Variants in FHOD3 observed in about 807,000 individuals in gnomAD.
FHOD3 encodes formin homology 2 domain containing 3, also known as FH1/FH2 domain-containing protein 3.
A neutral mutation model predicts 173.0 loss-of-function variants in FHOD3; 90 were observed. That is an observed-to-expected ratio of 0.52 (90% CI 0.44 to 0.62). The LOEUF (loss-of-function observed/expected upper bound fraction) is 0.62. FHOD3 is among the 20% of genes least tolerant of loss of function. The pLI, the probability that FHOD3 is intolerant of heterozygous loss-of-function variation, is 0.00. For missense variants in FHOD3, 1,945 were observed against 2,034.7 expected, an observed-to-expected ratio of 0.96 and a Z score of 0.85; for synonymous variants, 828 against 823.0, an observed-to-expected ratio of 1.01 and a Z score of -0.10.
At chr18:36,314,031 A>G (rs923367107) in intron 1 of FHOD3, among the ~76,000 whole-genome samples, 7 of 152,148 alleles carry the variant, frequency 4.6e-5, no homozygotes, top group African/African-American at 1.7e-4. Flanking sequence ...TACAGGCATG[A>G]GCCACTGCAC....
chr18:36,321,542 T>C (rs1474083243), intron 1 of FHOD3, among the ~76,000 whole-genome samples: 2 of 152,182 alleles, frequency 1.3e-5, no homozygotes, highest in Non-Finnish European at 2.9e-5. Context: ...GTAATATGTA[T>C]TGTGCTTTTG....
chr18:36,762,010 C>T (rs761159672), intron 27 of FHOD3, among the ~76,000 whole-genome samples: 6 of 151,936 alleles, frequency 3.9e-5, no homozygotes, highest in Admixed American at 1.3e-4. Flanking sequence ...TTTTCGTAGG[C>T]TCTAATGAAC....
At chr18:36,514,092 TC>T (rs1236876545) in intron 5 of FHOD3, among the ~76,000 whole-genome samples, 1 of 145,958 alleles carries the variant, frequency 6.9e-6, no homozygotes, top group Non-Finnish European at 1.5e-5. Context: ...CACTGCAAGC[TC>T]CGCCTCCCGG....
In FHOD3 at chr18:36,769,248, G is replaced by A. The variant is rs2043269960; in HGVS notation, c.4625-17G>A. ...TCCTTCTGAGTATGTTGTGCACTCT[G>A]GCTGTTTAATTTTTAGGATCCACTA... On this transcript the variant is annotated splice_polypyrimidine_tract_variant and intron_variant, in intron 27 of 28. Coordinates refer to ENST00000590592, the MANE Select transcript of FHOD3 (RefSeq NM_001281740.3). 4.3e-6 allele frequency: 7 copies of A among 1,613,434 alleles called. No homozygotes were observed. The East Asian group carries it at 1.6e-4, about 36-fold the overall frequency.
At chr18:36,468,497 G>T (rs949822813) in intron 3 of FHOD3, among the ~76,000 whole-genome samples, 1 of 152,284 alleles carries the variant, frequency 6.6e-6, no homozygotes, top group East Asian at 1.9e-4. Context: ...TGCCGTGGGC[G>T]AGGGAGCTGC....
At chr18:36,678,665 GT>G (rs567461915) in intron 14 of FHOD3, among the ~76,000 whole-genome samples, 145 of 146,206 alleles carry the variant, frequency 9.9e-4, no homozygotes, top group East Asian at 1.6e-3. Context: ...ATAGTAAAGG[GT>G]TTTTTTTTTT....
At chr18:36,429,718 C>T (rs1278753803) in intron 3 of FHOD3, among the ~76,000 whole-genome samples, 4 of 152,216 alleles carry the variant, frequency 2.6e-5, no homozygotes, top group South Asian at 2.1e-4. Context: ...GGAGCAGCTC[C>T]GCACCCATGA....
At chr18:36,621,596 A>T (rs2033714122) in intron 9 of FHOD3, among the ~76,000 whole-genome samples, 1 of 152,190 alleles carries the variant, frequency 6.6e-6, no homozygotes, top group African/African-American at 2.4e-5. Flanking sequence ...GCAGTGTTTC[A>T]AAAAGGCAAG....
chr18:36,336,198 G>A (rs1030367933), intron 1 of FHOD3, among the ~76,000 whole-genome samples: 2 of 152,114 alleles, frequency 1.3e-5, no homozygotes, highest in Non-Finnish European at 2.9e-5. Context: ...TGAGGATGAT[G>A]GGTATGAATT....
chr18:36,693,155 C>A, intron 16 of FHOD3, 54 bp from the exon 17 acceptor site: 1 of 1,528,214 alleles, frequency 6.5e-7, no homozygotes, highest in African/African-American at 1.4e-5. Context: ...AAACAAGCAT[C>A]AGCCACAGGC....
At chr18:36,493,068 T>C (rs914956566) in intron 3 of FHOD3, among the ~76,000 whole-genome samples, 2 of 152,204 alleles carry the variant, frequency 1.3e-5, no homozygotes, top group African/African-American at 4.8e-5. Flanking sequence ...TTTCTTCACC[T>C]GTTCAATGAA....
intron 3 of FHOD3, among the ~76,000 whole-genome samples, chr18:36,497,914 G>C (rs2145941074): frequency 6.6e-6 from 1 of 152,244 alleles, no homozygotes; most frequent in Middle Eastern, 3.4e-3. Flanking sequence ...TTCTTTTAAA[G>C]TGTACATGAG....
chr18:36,415,829 TG>T (rs1274896580), intron 3 of FHOD3, among the ~76,000 whole-genome samples: 2 of 152,180 alleles, frequency 1.3e-5, no homozygotes, highest in Non-Finnish European at 1.5e-5. Context: ...ATAATAAGGG[TG>T]GCATTTTTCC....
At chr18:36,417,724 G>A (rs1164953085) in intron 3 of FHOD3, among the ~76,000 whole-genome samples, 1 of 152,122 alleles carries the variant, frequency 6.6e-6, no homozygotes, top group Non-Finnish European at 1.5e-5. Flanking sequence ...TTCTGTGCTA[G>A]TGAGGGATTG....
intron 10 of FHOD3, among the ~76,000 whole-genome samples, chr18:36,643,565 C>T (rs1165819902): frequency 1.3e-5 from 2 of 152,090 alleles, no homozygotes; most frequent in Non-Finnish European, 2.9e-5. Flanking sequence ...CCTATATATC[C>T]TCGTATCAAC....
chr18:36,357,348 C>T (rs920833328), intron 2 of FHOD3, among the ~76,000 whole-genome samples: 1 of 152,194 alleles, frequency 6.6e-6, no homozygotes, highest in Non-Finnish European at 1.5e-5. Flanking sequence ...CAGGATTTGG[C>T]ATTTTCTCAG....
At chr18:36,672,871 G>A (rs1242520192) in intron 14 of FHOD3, among the ~76,000 whole-genome samples, 1 of 152,044 alleles carries the variant, frequency 6.6e-6, no homozygotes, top group Non-Finnish European at 1.5e-5. Context: ...ATTTTGAATG[G>A]TTCTTAAGTG....
At chr18:36,520,537 G>A (rs1335646660) in intron 5 of FHOD3, among the ~76,000 whole-genome samples, 2 of 152,138 alleles carry the variant, frequency 1.3e-5, no homozygotes, top group African/African-American at 2.4e-5. Context: ...TTCTTAGGTT[G>A]ATTAGATGCT....
At chr18:36,659,979 G>A (rs1243070741) in intron 14 of FHOD3, among the ~76,000 whole-genome samples, 4 of 152,116 alleles carry the variant, frequency 2.6e-5, no homozygotes, top group Admixed American at 2.0e-4. Context: ...TGGTAGAATT[G>A]GATCCCAGAG....
Sources: allele counts gnomAD v4.1 joint callset (sites outside exome capture counted in the v4.1 genomes callset), GRCh38; gene constraint gnomAD v4.1.1; transcripts MANE v1.5; gene names NCBI Gene and HGNC (gene_info 2026-07-23, HGNC 2026-07-21).